The following GRIA4 variants were observed in gnomAD, a reference collection of about 807,000 sequenced individuals.
The protein encoded by GRIA4 is glutamate ionotropic receptor AMPA type subunit 4, also known as glutamate receptor 4.
In GRIA4, 34 loss-of-function variants were observed where a neutral mutation model predicts 104.0. The observed-to-expected ratio is 0.33, with a 90% CI of 0.25 to 0.44. The LOEUF is 0.44. Ranked by LOEUF, GRIA4 falls within the 20% of genes least tolerant of loss-of-function variation. The pLI is 1.00. For synonymous variants in GRIA4, 386 were observed against 381.9 expected (o/e 1.01, Z -0.13); for missense variants, 750 against 1,096.5 (o/e 0.68, Z 4.46).
chr11:105,725,875 T>C (rs1159337212), intron 3 of GRIA4, among the ~76,000 whole-genome samples: 1 of 152,124 alleles, frequency 6.6e-6, no homozygotes, highest in Non-Finnish European at 1.5e-5. Context: ...GATACTATGC[T>C]TTGCCCATGG....
intron 4 of GRIA4, among the ~76,000 whole-genome samples, chr11:105,775,779 C>A (rs1485450801): frequency 1.3e-5 from 2 of 151,786 alleles, no homozygotes; most frequent in Non-Finnish European, 2.9e-5. Context: ...CAGAAAGTAC[C>A]TCTTTCTAAT....
chr11:105,974,220 A>T, intron 15 of GRIA4, 90 bp from the exon 16 acceptor site: 1 of 1,275,646 alleles, frequency 7.8e-7, no homozygotes, highest in Non-Finnish European at 1.1e-6. Context: ...TTAAGCATTT[A>T]CTTTCATTGG....
intron 3 of GRIA4, among the ~76,000 whole-genome samples, chr11:105,626,543 T>A (rs1346639195): frequency 6.6e-6 from 1 of 152,160 alleles, no homozygotes; most frequent in Admixed American, 6.5e-5. Context: ...TTTGTAACAA[T>A]TTATCAAAAG....
intron 3 of GRIA4, among the ~76,000 whole-genome samples, chr11:105,716,625 T>C (rs1954097778): frequency 6.6e-6 from 1 of 152,116 alleles, no homozygotes; most frequent in African/African-American, 2.4e-5. Context: ...TACAGAAAAC[T>C]CTATACATCA....
At chr11:105,934,890 G>A (rs1435205190) in intron 14 of GRIA4, among the ~76,000 whole-genome samples, 1 of 152,072 alleles carries the variant, frequency 6.6e-6, no homozygotes, top group Non-Finnish European at 1.5e-5. Context: ...GTGCTGCTTA[G>A]GAGAAATGTA....
At position 105,963,429 on chromosome 11, in the gene GRIA4, C is replaced by A. The variant is rs187436516; in HGVS notation, c.2295-8485C>A. On this transcript the variant is annotated intron_variant, in intron 14 of 16. Transcript: ENST00000282499. ...TTAGACAATTGTAGAAAACCACAGA[C>A]ACTTTTAACATGCACGGAAATCTTG... Among the ~76,000 whole-genome samples, 546 of 152,198 alleles carry A rather than the reference C, an allele frequency of 3.6e-3. 4 individuals carry two copies. The highest frequency in any genetic ancestry group is 0.013 in the African/African-American group (522 of 41,548).
intron 13 of GRIA4, among the ~76,000 whole-genome samples, chr11:105,931,475 G>A (rs533718706): frequency 3.4e-4 from 52 of 151,908 alleles, no homozygotes; most frequent in East Asian, 2.5e-3. Flanking sequence ...AGGCCGAGGC[G>A]GTGGATTACC....
chr11:105,825,829 G>A (rs1244958624), intron 4 of GRIA4, among the ~76,000 whole-genome samples: 5 of 152,050 alleles, frequency 3.3e-5, no homozygotes, highest in Admixed American at 3.3e-4. Flanking sequence ...TGATATTTAT[G>A]AACATTCCTA....
At chr11:105,721,845 C>T (rs1327727158) in intron 3 of GRIA4, among the ~76,000 whole-genome samples, 2 of 152,090 alleles carry the variant, frequency 1.3e-5, no homozygotes, top group African/African-American at 4.8e-5. Flanking sequence ...TTGGTCTTAG[C>T]TCAAAGACTG....
chr11:105,711,903 C>T lies in GRIA4; in HGVS notation c.248-41078C>T, dbSNP rs116192377. Among the ~76,000 whole-genome samples, 759 of 152,156 alleles carry T rather than the reference C, an allele frequency of 5.0e-3. 16 individuals carry two copies. Among genetic ancestry groups the T allele is most frequent in the African/African-American group, 0.017 (708 of 41,536 alleles). ...CCTCTCTAACTTCCTCTTTCACCCT[C>T]TGGAAATGTGAATACCACAACACTT... On this transcript the variant is annotated intron_variant, in intron 3 of 16. Transcript: ENST00000282499.
intron 3 of GRIA4, among the ~76,000 whole-genome samples, chr11:105,647,761 T>C (rs1951570771): frequency 6.6e-6 from 1 of 151,916 alleles, no homozygotes; most frequent in Non-Finnish European, 1.5e-5. Flanking sequence ...CATGGACACA[T>C]AATGGGGAAC....
intron 4 of GRIA4, among the ~76,000 whole-genome samples, chr11:105,820,618 T>C (rs530830448): frequency 6.6e-6 from 1 of 151,960 alleles, no homozygotes; most frequent in Non-Finnish European, 1.5e-5. Flanking sequence ...CCATCAAGCT[T>C]TCCATCTATG....
chr11:105,669,679 G>A (rs1952297519), intron 3 of GRIA4, among the ~76,000 whole-genome samples: 1 of 152,080 alleles, frequency 6.6e-6, no homozygotes, highest in Non-Finnish European at 1.5e-5. Flanking sequence ...TTACACATAT[G>A]TATAAATTCT....
At chr11:105,922,429 C>A (rs1274220318) in intron 11 of GRIA4, among the ~76,000 whole-genome samples, 1 of 152,120 alleles carries the variant, frequency 6.6e-6, no homozygotes. Context: ...TTAGACCAGC[C>A]ATTCCATTTC....
At chr11:105,785,872 G>T (rs1038174891) in intron 4 of GRIA4, among the ~76,000 whole-genome samples, 4 of 152,062 alleles carry the variant, frequency 2.6e-5, no homozygotes, top group African/African-American at 7.2e-5. Context: ...TAGGCTGGGG[G>T]TGGTGACTCA....
At chr11:105,722,408 C>T (rs1937885488) in intron 3 of GRIA4, among the ~76,000 whole-genome samples, 1 of 152,082 alleles carries the variant, frequency 6.6e-6, no homozygotes, top group Non-Finnish European at 1.5e-5. Flanking sequence ...GCATTTTCAA[C>T]TTATGATTTG....
chr11:105,627,882 G>A (rs1333420846), intron 3 of GRIA4, among the ~76,000 whole-genome samples: 1 of 152,134 alleles, frequency 6.6e-6, no homozygotes, highest in African/African-American at 2.4e-5. Flanking sequence ...TAAATATCAA[G>A]CATCCGCCGC....
At chr11:105,837,222 G>A (rs193215870) in intron 4 of GRIA4, among the ~76,000 whole-genome samples, 2 of 152,172 alleles carry the variant, frequency 1.3e-5, no homozygotes, top group East Asian at 1.9e-4. Context: ...TCCCTCCTTC[G>A]ACAAGTGGAG....
intron 4 of GRIA4, among the ~76,000 whole-genome samples, chr11:105,781,557 A>G (rs1381356724): frequency 6.6e-6 from 1 of 152,004 alleles, no homozygotes; most frequent in African/African-American, 2.4e-5. Context: ...TTATATTTTG[A>G]TAATTCTGCT....
Sources: allele counts gnomAD v4.1 joint callset (sites outside exome capture counted in the v4.1 genomes callset), GRCh38; gene constraint gnomAD v4.1.1; transcripts MANE v1.5; gene names NCBI Gene and HGNC (gene_info 2026-07-23, HGNC 2026-07-21).